NAV3: variants seen among roughly 807,000 people sequenced by gnomAD.
The protein encoded by NAV3 is pore membrane and/or filament interacting like protein 1.
Under a neutral mutation model 244.7 loss-of-function variants are expected in NAV3, and 87 were observed. The ratio of observed to expected loss-of-function variants is 0.36; its 90% confidence interval spans 0.30 to 0.42. The LOEUF (loss-of-function observed/expected upper bound fraction) is 0.42. Ranked by LOEUF, NAV3 falls within the 20% of genes least tolerant of loss-of-function variation. The pLI is 1.00. For missense variants in NAV3, 2,663 were observed against 2,893.3 expected (o/e 0.92, Z 1.83); for synonymous variants, 1,126 against 1,042.2 (o/e 1.08, Z -1.55).
At chr12:77,957,676 T>G (rs1029514151) in intron 3 of NAV3, among the ~76,000 whole-genome samples, 1 of 152,136 alleles carries the variant, frequency 6.6e-6, no homozygotes, top group South Asian at 2.1e-4. Flanking sequence ...TCAGTATTTT[T>G]TTTTTTGAGA....
chr12:77,912,915 A>AT (rs1332539536), intron 1 of NAV3, among the ~76,000 whole-genome samples: 2 of 152,092 alleles, frequency 1.3e-5, no homozygotes, highest in African/African-American at 4.8e-5. Context: ...TTTTACATGC[A>AT]TTTTTCAAGA....
intron 2 of NAV3, among the ~76,000 whole-genome samples, chr12:77,813,128 G>A (rs1362791907): frequency 2.0e-5 from 3 of 152,126 alleles, no homozygotes; most frequent in African/African-American, 7.2e-5. Context: ...TGGCCTAAAA[G>A]ACACCAAATT....
At chr12:78,202,505 T>C (rs571454967) in intron 38 of NAV3, among the ~76,000 whole-genome samples, 2 of 152,220 alleles carry the variant, frequency 1.3e-5, no homozygotes, top group African/African-American at 4.8e-5. Context: ...ATATTATTTA[T>C]AGAACATTAT....
intron 18 of NAV3, among the ~76,000 whole-genome samples, chr12:78,136,772 G>A (rs141244398): frequency 1.3e-3 from 203 of 152,226 alleles, no homozygotes; most frequent in Non-Finnish European, 2.3e-3. Flanking sequence ...AAATTTAGAT[G>A]TTTTATATTT....
intron 9 of NAV3, chr12:78,036,748 A>C: frequency 1.7e-6 from 1 of 594,268 alleles, no homozygotes. Context: ...TGAATGTGTG[A>C]GCTTGAGCTT....
At chr12:78,110,269 G>A (rs1390290707) in intron 12 of NAV3, among the ~76,000 whole-genome samples, 1 of 151,944 alleles carries the variant, frequency 6.6e-6, no homozygotes, top group Non-Finnish European at 1.5e-5. Flanking sequence ...ACAAAACACT[G>A]ATGAAAGAAA....
chr12:77,607,835 G>A (rs984182580), intron 2 of NAV3, among the ~76,000 whole-genome samples: 2 of 152,056 alleles, frequency 1.3e-5, no homozygotes, highest in African/African-American at 4.8e-5. Context: ...AACAAGAACT[G>A]TGTCTTATCT....
chr12:77,907,752 G>A (rs1402266027), intron 1 of NAV3, among the ~76,000 whole-genome samples: 1 of 152,026 alleles, frequency 6.6e-6, no homozygotes, highest in Non-Finnish European at 1.5e-5. Context: ...TAAGACTCCA[G>A]TACCATTTTC....
At chr12:77,788,800 T>C (rs891025545) in intron 2 of NAV3, among the ~76,000 whole-genome samples, 1 of 152,130 alleles carries the variant, frequency 6.6e-6, no homozygotes, top group Non-Finnish European at 1.5e-5. Context: ...AAAGATTAAG[T>C]ACTTGTACTA....
chr12:77,865,921 T>A (rs79683522), intron 1 of NAV3, among the ~76,000 whole-genome samples: 10 of 143,028 alleles, frequency 7.0e-5, no homozygotes, highest in African/African-American at 2.3e-4. Context: ...AACATACTTT[T>A]AAAAAAATGC....
chr12:77,832,361 C>CA lies in NAV3; in HGVS notation c.243+659dup, dbSNP rs1873857866. On this transcript the variant is annotated intron_variant, in intron 1 of 39. Coordinates refer to ENST00000397909, the MANE Select transcript of NAV3 (RefSeq NM_001024383.2). ...AGCCCTTGGTTTCTAAAGCATACTA[C>CA]AACCGTTTTCTCCAGTCACGCATGC... Among the ~76,000 whole-genome samples the CA allele has an allele frequency of 2.0e-5, 3 of 152,318 alleles. No homozygotes were observed. In the South Asian group the frequency reaches 6.2e-4, roughly 32 times the overall value.
chr12:77,943,924 G>T (rs867246871), intron 3 of NAV3, among the ~76,000 whole-genome samples: 1 of 152,138 alleles, frequency 6.6e-6, no homozygotes, highest in Non-Finnish European at 1.5e-5. Context: ...GATCCCTTTT[G>T]TTGTATGAAT....
At chr12:77,586,623 T>C (rs967010138) in intron 2 of NAV3, among the ~76,000 whole-genome samples, 2 of 152,232 alleles carry the variant, frequency 1.3e-5, no homozygotes, top group Non-Finnish European at 2.9e-5. Flanking sequence ...AGCAACTAAC[T>C]ATTGCAAAAT....
At chr12:77,756,376 C>G (rs1462619354) in intron 2 of NAV3, among the ~76,000 whole-genome samples, 1 of 151,776 alleles carries the variant, frequency 6.6e-6, no homozygotes, top group Non-Finnish European at 1.5e-5. Context: ...AATTTTAATT[C>G]CTTCTCCTAT....
chr12:77,588,397 G>A (rs1592479398), intron 2 of NAV3, among the ~76,000 whole-genome samples: 1 of 152,084 alleles, frequency 6.6e-6, no homozygotes. Context: ...GGGATTACAG[G>A]TGTGAGCAAC....
chr12:77,877,284 T>G (rs1881976085), intron 1 of NAV3, among the ~76,000 whole-genome samples: 1 of 152,118 alleles, frequency 6.6e-6, no homozygotes, highest in Admixed American at 6.6e-5. Context: ...AGTTATTTTA[T>G]TATTAAAATA....
At chr12:77,921,051 A>T (rs1231699069) in intron 1 of NAV3, among the ~76,000 whole-genome samples, 1 of 152,068 alleles carries the variant, frequency 6.6e-6, no homozygotes, top group Non-Finnish European at 1.5e-5. Flanking sequence ...CCTATTCTTA[A>T]GGCTCATCTG....
At chr12:78,012,498 T>C (rs1875478875) in intron 8 of NAV3, among the ~76,000 whole-genome samples, 1 of 152,056 alleles carries the variant, frequency 6.6e-6, no homozygotes, top group South Asian at 2.1e-4. Flanking sequence ...TAATACCCTG[T>C]TCACAATTGA....
chr12:78,167,066 G>A (rs1202413321), intron 23 of NAV3, among the ~76,000 whole-genome samples: 1 of 151,654 alleles, frequency 6.6e-6, no homozygotes, highest in Non-Finnish European at 1.5e-5. Context: ...AGTAGGAGCA[G>A]AATAAATTTT....
Sources: allele counts gnomAD v4.1 joint callset (sites outside exome capture counted in the v4.1 genomes callset), GRCh38; gene constraint gnomAD v4.1.1; transcripts MANE v1.5; gene names NCBI Gene and HGNC (gene_info 2026-07-23, HGNC 2026-07-21).